Variants in WHRN observed in about 807,000 individuals in gnomAD.
WHRN encodes the protein whirlin.
WHRN carries 41 observed loss-of-function variants against 68.3 expected under a neutral mutation model. The ratio of observed to expected loss-of-function variants is 0.60; its 90% CI spans 0.47 to 0.78. The LOEUF is 0.78. Among genes scored for constraint, WHRN ranks in the 30% least tolerant of loss-of-function variants. The pLI is 0.00. For missense variants in WHRN, 1,243 were observed against 1,244.7 expected (o/e 1.00, Z 0.02); for synonymous variants, 560 against 561.3 (o/e 1.00, Z 0.03).
Position 114,486,893 on chromosome 9 carries a change from TGTGTGTGTGTGTAGA to T in WHRN, c.619-8137_619-8123del, listed in dbSNP as rs1206133673. On this transcript the variant is annotated intron_variant, in intron 1 of 11. Transcript: ENST00000362057. ...GTTCTGATGATTAAATTAGTGTGTG[TGTGTGTGTGTGTAGA>T]GTGTGTGTGTGTGTGTAGAGTGTGT... Among the ~76,000 whole-genome samples the T allele has an allele frequency of 2.6e-3, 139 of 54,164 alleles. 3 individuals carry two copies. The highest frequency in any genetic ancestry group is 0.011 in the East Asian group (3 of 274). 35.5% of individuals were successfully genotyped at this position (54,164 alleles called of 152,430 possible).
chr9:114,445,042 T>TATC (rs1180342809), intron 3 of WHRN, among the ~76,000 whole-genome samples: 1 of 151,778 alleles, frequency 6.6e-6, no homozygotes, highest in African/African-American at 2.4e-5. Flanking sequence ...TTAATGTTAT[T>TATC]ATTATTATTA....
At chr9:114,422,468 A>C (rs1836377450) in intron 7 of WHRN, among the ~76,000 whole-genome samples, 1 of 152,146 alleles carries the variant, frequency 6.6e-6, no homozygotes, top group African/African-American at 2.4e-5. Context: ...ATTTGCCTCC[A>C]AGCATCCAGG....
intron 3 of WHRN, among the ~76,000 whole-genome samples, chr9:114,449,137 G>A (rs947098874): frequency 2.6e-5 from 4 of 152,172 alleles, no homozygotes; most frequent in East Asian, 1.9e-4. Context: ...AGAGGGGACC[G>A]TGCTGACCTC....
intron 3 of WHRN, among the ~76,000 whole-genome samples, chr9:114,465,181 G>A (rs999433001): frequency 2.6e-5 from 4 of 152,176 alleles, no homozygotes; most frequent in Admixed American, 1.3e-4. Context: ...CCTGACAGAC[G>A]TATCGTCTCT....
intron 1 of WHRN, 67 bp from the exon 2 acceptor site, chr9:114,478,838 C>G (rs1841877701): frequency 1.3e-6 from 2 of 1,492,180 alleles, no homozygotes; most frequent in East Asian, 2.4e-5. Context: ...ACACCCTCCC[C>G]TGGCCCAGAC....
rs922352240 is a variant in WHRN at position 114,426,303 on chromosome 9, G to A, written c.1074C>T (p.Asp358=). 3.7e-6 allele frequency: 6 copies of A among 1,613,656 alleles called. No individual in the cohort carries two copies. The highest frequency in any genetic ancestry group is 1.3e-5 in the African/African-American group (1 of 74,920). ...SSRHLILTVK[D]VGRLPHARTT... ...TGCGGGCATGGGGCAGCCTCCCGAC[G>A]TCCTTCACTGTCAGGATGAGGTGCC... The change falls in exon 4 of 12, where the codon GAC becomes GAT. Residue 358 remains aspartate, a synonymous_variant. Transcript: ENST00000362057.
intron 10 of WHRN, 79 bp from the exon 11 acceptor site, chr9:114,403,418 C>G: frequency 6.3e-7 from 1 of 1,588,884 alleles, no homozygotes. Context: ...GGCCGTGACA[C>G]CACCCTGGGT....
chr9:114,422,481 G>T (rs559434752), intron 7 of WHRN, among the ~76,000 whole-genome samples: 1 of 152,172 alleles, frequency 6.6e-6, no homozygotes, highest in African/African-American at 2.4e-5. Flanking sequence ...CATCCAGGGG[G>T]CAGAACCATA....
Position 114,423,448 on chromosome 9 carries a change from G to T in WHRN, c.1492C>A (p.Arg498Ser). The change falls in exon 7 of 12, where the codon CGT (arginine) becomes AGT (serine). Residue 498 changes from arginine to serine, a missense_variant. Arg to Ser is a moderately radical substitution (Grantham distance 110). Transcript: ENST00000362057. ...CGCGCCTTCATGGACTCAATCTCAC[G>T]CCTCAGCACCAGGTGGTCGAAGCGT... ...LERFDHLVLR[R>S]EIESMKARQP... 1 of 1,614,084 alleles carries T rather than the reference G, an allele frequency of 6.2e-7. No individual in the cohort carries two copies. The highest frequency in any genetic ancestry group is 8.5e-7 in the Non-Finnish European group (1 of 1,180,022).
intron 2 of WHRN, among the ~76,000 whole-genome samples, chr9:114,468,843 C>T (rs1840944453): frequency 6.6e-6 from 1 of 152,178 alleles, no homozygotes; most frequent in African/African-American, 2.4e-5. Flanking sequence ...TGTGCCAGCT[C>T]CAAGGCTTGA....
At chr9:114,425,323 A>G (rs1185670184) in intron 4 of WHRN, 3 of 609,574 alleles carry the variant, frequency 4.9e-6, no homozygotes, top group African/African-American at 3.7e-5. Context: ...GAGTGGAGGG[A>G]AGAAATGGTG....
At chr9:114,494,885 G>A (rs866774977) in intron 1 of WHRN, among the ~76,000 whole-genome samples, 7 of 151,956 alleles carry the variant, frequency 4.6e-5, no homozygotes, top group African/African-American at 1.7e-4. Context: ...ACCAAGAAAT[G>A]CATTATCTGT....
chr9:114,427,081 A>ATT (rs1389061862), intron 3 of WHRN, among the ~76,000 whole-genome samples: 1 of 152,156 alleles, frequency 6.6e-6, no homozygotes, highest in Non-Finnish European at 1.5e-5. Context: ...CCTGGGCAAT[A>ATT]GTGAGATTCC....
intron 3 of WHRN, among the ~76,000 whole-genome samples, chr9:114,427,877 A>G (rs1329812306): frequency 1.3e-5 from 2 of 152,086 alleles, no homozygotes; most frequent in South Asian, 2.1e-4. Context: ...TGCAATGCCT[A>G]CTGTGTGCTG....
intron 2 of WHRN, among the ~76,000 whole-genome samples, chr9:114,474,279 C>T (rs940511618): frequency 5.9e-5 from 9 of 152,164 alleles, no homozygotes; most frequent in African/African-American, 7.2e-5. Context: ...CTTAGCCATC[C>T]TCACCCCTCT....
intron 3 of WHRN, among the ~76,000 whole-genome samples, chr9:114,437,463 C>T (rs1837957994): frequency 6.6e-6 from 1 of 152,086 alleles, no homozygotes; most frequent in Non-Finnish European, 1.5e-5. Context: ...AAAATGACAA[C>T]CAGCATGTTA....
chr9:114,418,343 C>A (rs1038137855), intron 7 of WHRN, among the ~76,000 whole-genome samples: 13 of 152,174 alleles, frequency 8.5e-5, no homozygotes, highest in African/African-American at 2.7e-4. Context: ...GCTGACCCAG[C>A]CACAGGAGGA....
In WHRN at chr9:114,403,875, ATCC is replaced by A. The variant is rs1295712162; in HGVS notation, c.2418+18_2418+20del. Reference sequence around the variant, plus strand: ...GCCCGTGTTCCTCTCAGCCCTCTGCATCCTCCTCCTCCTGGCTCACCGGTTTGT... The same window carrying A: ...GCCCGTGTTCCTCTCAGCCCTCTGCATCCTCCTCCTGGCTCACCGGTTTGT... On this transcript the variant is annotated intron_variant, in intron 10 of 11. Transcript: ENST00000362057. 6 of 1,608,598 alleles carry A rather than the reference ATCC, an allele frequency of 3.7e-6. No individual in the cohort carries two copies. The highest frequency in any genetic ancestry group is 8.5e-7 in the Non-Finnish European group (1 of 1,179,706).
At chr9:114,475,495 T>G (rs1841576562) in intron 2 of WHRN, among the ~76,000 whole-genome samples, 1 of 152,178 alleles carries the variant, frequency 6.6e-6, no homozygotes, top group Non-Finnish European at 1.5e-5. Flanking sequence ...AGGACACTCC[T>G]GAAAAGGGCT....
Sources: allele counts gnomAD v4.1 joint callset (sites outside exome capture counted in the v4.1 genomes callset), GRCh38; gene constraint gnomAD v4.1.1; transcripts MANE v1.5; gene names NCBI Gene and HGNC (gene_info 2026-07-23, HGNC 2026-07-21).